The following TANC2 variants were observed in gnomAD, a reference collection of about 807,000 sequenced individuals.
The protein encoded by TANC2 is protein TANC2.
Under a neutral mutation model 210.5 loss-of-function variants are expected in TANC2, and 26 were observed. That is an observed-to-expected ratio of 0.12 (90% confidence interval 0.09 to 0.17). TANC2 has a LOEUF of 0.17. TANC2 is among the 10% of genes least tolerant of loss of function. The pLI, the probability that TANC2 is intolerant of heterozygous loss-of-function variation, is 1.00. For missense variants in TANC2, 2,129 were observed against 2,608.9 expected (o/e 0.82, Z 4.01); for synonymous variants, 931 against 967.1 (o/e 0.96, Z 0.69).
At chr17:62,997,553 G>T (rs898424082) in intron 1 of TANC2, among the ~76,000 whole-genome samples, 4 of 152,112 alleles carry the variant, frequency 2.6e-5, no homozygotes, top group African/African-American at 9.7e-5. Flanking sequence ...TTATTGTGGA[G>T]AAAATCATAA....
chr17:63,071,796 T>C (rs752030104), intron 2 of TANC2, among the ~76,000 whole-genome samples: 2 of 152,192 alleles, frequency 1.3e-5, no homozygotes, highest in African/African-American at 2.4e-5. Flanking sequence ...AGTTACTGAT[T>C]AGTGCTTTTT....
At chr17:63,323,087 A>G (rs1403820896) in intron 11 of TANC2, among the ~76,000 whole-genome samples, 4 of 152,254 alleles carry the variant, frequency 2.6e-5, no homozygotes, top group Non-Finnish European at 5.9e-5. Context: ...CTGTAGACGC[A>G]TAGAGCAGAA....
chr17:63,199,247 A>T (rs72845212), intron 6 of TANC2, among the ~76,000 whole-genome samples: 21,891 of 152,162 alleles, frequency 0.14, 2,026 homozygotes, highest in Middle Eastern at 0.21. Context: ...GCTTCTTTTA[A>T]ATTTAACATT....
At chr17:63,099,446 T>G in intron 4 of TANC2, 89 bp downstream of exon 4, 1 of 1,016,144 alleles carries the variant, frequency 9.8e-7, no homozygotes, top group Non-Finnish European at 1.3e-6. Flanking sequence ...ATTTGCATCT[T>G]TAGGTTTTTC....
chr17:63,381,570 A>G (rs529331189), intron 15 of TANC2: 10 of 152,254 alleles, frequency 6.6e-5, no homozygotes, highest in Non-Finnish European at 4.4e-5. Context: ...GCAGTGACAC[A>G]CAATCCAATG....
chr17:63,134,947 T>C (rs1475616849), intron 4 of TANC2, among the ~76,000 whole-genome samples: 1 of 152,212 alleles, frequency 6.6e-6, no homozygotes, highest in African/African-American at 2.4e-5. Flanking sequence ...ACATCTAGCC[T>C]GTTACTGTGG....
chr17:63,194,255 A>G (rs2041273164), intron 6 of TANC2, 116 bp downstream of exon 6: 1 of 1,083,206 alleles, frequency 9.2e-7, no homozygotes, highest in African/African-American at 1.6e-5. Flanking sequence ...ACTTTCCATA[A>G]TCACTATTAT....
At chr17:63,192,005 G>C (rs1252370081) in intron 5 of TANC2, among the ~76,000 whole-genome samples, 1 of 152,148 alleles carries the variant, frequency 6.6e-6, no homozygotes, top group East Asian at 1.9e-4. Context: ...GTCCCTGTCT[G>C]TTATTTGAGA....
At chr17:63,147,044 C>G (rs779327619) in intron 4 of TANC2, among the ~76,000 whole-genome samples, 1 of 152,154 alleles carries the variant, frequency 6.6e-6, no homozygotes, top group Non-Finnish European at 1.5e-5. Context: ...AAAAGAAATT[C>G]TAATAGCCAG....
chr17:63,288,409 A>G (rs1222400384), intron 9 of TANC2, among the ~76,000 whole-genome samples: 4 of 152,180 alleles, frequency 2.6e-5, no homozygotes, highest in African/African-American at 9.7e-5. Flanking sequence ...TCTATTTTAA[A>G]TTCATTAAGA....
chr17:63,380,971 C>A (rs538770155), intron 15 of TANC2, among the ~76,000 whole-genome samples: 1 of 152,298 alleles, frequency 6.6e-6, no homozygotes, highest in East Asian at 1.9e-4. Context: ...CAGTTTCAAG[C>A]AGACTAAAAA....
intron 9 of TANC2, among the ~76,000 whole-genome samples, chr17:63,294,572 T>C (rs1264754193): frequency 6.6e-6 from 1 of 152,220 alleles, no homozygotes; most frequent in Non-Finnish European, 1.5e-5. Context: ...CCCATTTTAT[T>C]AGAAAAATTT....
intron 26 of TANC2, among the ~76,000 whole-genome samples, chr17:63,417,293 C>T (rs2048893484): frequency 6.6e-6 from 1 of 152,230 alleles, no homozygotes; most frequent in African/African-American, 2.4e-5. Context: ...CCTTAGGACT[C>T]ATGACCATAA....
intron 6 of TANC2, among the ~76,000 whole-genome samples, chr17:63,194,603 A>G (rs1277704732): frequency 2.0e-5 from 3 of 152,310 alleles, no homozygotes; most frequent in East Asian, 1.9e-4. Context: ...CAGATTTTCT[A>G]CTTTTCTGAA....
rs546912304 is a variant in TANC2, at chr17:62,986,922, G to A, written c.-24+20173G>A. Among the ~76,000 whole-genome samples the A allele has an allele frequency of 7.9e-5, 12 of 152,238 alleles. No homozygotes were observed. The East Asian group carries it at 2.1e-3, about 27-fold the overall frequency. On this transcript the variant is annotated intron_variant, in intron 1 of 27. Transcript: ENST00000689528. Reference sequence around the variant, plus strand: ...GGATCATGTCTACCAGGAGTGTCTCGAAGAGCTATTTCTGAGGCCCTGACT... The same window carrying A: ...GGATCATGTCTACCAGGAGTGTCTCAAAGAGCTATTTCTGAGGCCCTGACT...
intron 7 of TANC2, among the ~76,000 whole-genome samples, chr17:63,220,703 C>CA (rs373846699): frequency 0.056 from 5,153 of 91,844 alleles, 282 homozygotes; most frequent in African/African-American, 0.16. Flanking sequence ...GAATCAGTCT[C>CA]AAAAAAAAAA....
chr17:63,100,722 AAGTTTTAG>A (rs2037589130), intron 4 of TANC2, among the ~76,000 whole-genome samples: 1 of 152,174 alleles, frequency 6.6e-6, no homozygotes, highest in South Asian at 2.1e-4. Flanking sequence ...GGATTGCCTG[AAGTTTTAG>A]AGATACCGCT....
chr17:63,111,130 C>A (rs763127155), intron 4 of TANC2, among the ~76,000 whole-genome samples: 21 of 151,978 alleles, frequency 1.4e-4, no homozygotes, highest in Non-Finnish European at 2.8e-4. Flanking sequence ...TGGGCAACAT[C>A]TCAAAATCCT....
intron 7 of TANC2, among the ~76,000 whole-genome samples, chr17:63,211,071 T>G (rs972362105): frequency 6.6e-6 from 1 of 152,180 alleles, no homozygotes; most frequent in Non-Finnish European, 1.5e-5. Context: ...GTCCTCATTA[T>G]CTCAGACTTA....
Sources: allele counts gnomAD v4.1 joint callset (sites outside exome capture counted in the v4.1 genomes callset), GRCh38; gene constraint gnomAD v4.1.1; transcripts MANE v1.5; gene names NCBI Gene and HGNC (gene_info 2026-07-23, HGNC 2026-07-21).